The following SLC71A2 variants were observed in gnomAD, a reference collection of about 807,000 sequenced individuals.
SLC71A2 encodes the protein solute carrier family 71 member 2, also known as hippocampus abundant transcript-like 1.
chr9:94,389,145 C>T, the SLC71A2 span, among the ~76,000 whole-genome samples: 1 of 151,800 alleles, frequency 6.6e-6, no homozygotes, highest in South Asian at 2.1e-4. Context: ...TAGTTAGCAG[C>T]AGAGCCAGGA....
At chr9:94,419,369 C>T in the SLC71A2 span, among the ~76,000 whole-genome samples, 9,380 of 150,688 alleles carry the variant, frequency 0.062, 438 homozygotes, top group African/African-American at 0.13. Flanking sequence ...TCTTGGCTCA[C>T]TGCAACTTCC....
chr9:94,428,519 A>G, the SLC71A2 span, among the ~76,000 whole-genome samples: 1 of 150,486 alleles, frequency 6.6e-6, no homozygotes, highest in Non-Finnish European at 1.5e-5. Flanking sequence ...TTAAAGAGTC[A>G]TTTAAGGTTC....
the SLC71A2 span, among the ~76,000 whole-genome samples, chr9:94,407,624 G>A: frequency 2.7e-4 from 41 of 152,124 alleles, no homozygotes; most frequent in African/African-American, 8.0e-4. Context: ...TGATCCACCC[G>A]CCTCGGCCTC....
chr9:94,443,851 C>T, the SLC71A2 span, among the ~76,000 whole-genome samples: 1,600 of 152,218 alleles, frequency 0.011, 28 homozygotes, highest in African/African-American at 0.037. Flanking sequence ...GTGGGAAAAC[C>T]TGAGGGCAAG....
At chr9:94,398,899 C>T in the SLC71A2 span, among the ~76,000 whole-genome samples, 35,857 of 128,720 alleles carry the variant, frequency 0.28, 6,398 homozygotes, top group East Asian at 0.56. Context: ...CTGCAACCTC[C>T]GCCTCCTGCG....
At chr9:94,386,158 A>G in the SLC71A2 span, among the ~76,000 whole-genome samples, 3 of 152,174 alleles carry the variant, frequency 2.0e-5, no homozygotes, top group Non-Finnish European at 4.4e-5. Context: ...TTTTCAGTGT[A>G]TAAGTCTTTC....
At chr9:94,406,066 A>ATGTTTTTT in the SLC71A2 span, among the ~76,000 whole-genome samples, 1 of 63,598 alleles carries the variant, frequency 1.6e-5, no homozygotes, top group African/African-American at 7.5e-5. Context: ...TGCAACTTGA[A>ATGTTTTTT]TTTTTTTTTT....
the SLC71A2 span, among the ~76,000 whole-genome samples, chr9:94,391,857 C>A: frequency 6.6e-6 from 1 of 151,966 alleles, no homozygotes; most frequent in Non-Finnish European, 1.5e-5. Context: ...CCAGCCTGGG[C>A]AACAGAGCGA....
At chr9:94,428,600 C>CCT in the SLC71A2 span, among the ~76,000 whole-genome samples, 11 of 98,436 alleles carry the variant, frequency 1.1e-4, no homozygotes, top group South Asian at 6.8e-4. Flanking sequence ...ACCCCCCCCC[C>CCT]TTTTTTTTTT....
At chr9:94,382,802 G>A in the SLC71A2 span, among the ~76,000 whole-genome samples, 3 of 151,854 alleles carry the variant, frequency 2.0e-5, no homozygotes, top group Non-Finnish European at 2.9e-5. Flanking sequence ...TCAGCCTCCC[G>A]AGTAGCTGGG....
At chr9:94,451,161 T>C in the SLC71A2 span, among the ~76,000 whole-genome samples, 1 of 152,220 alleles carries the variant, frequency 6.6e-6, no homozygotes, top group African/African-American at 2.4e-5. Flanking sequence ...TATTACTTGA[T>C]ACCATATTTA....
At chr9:94,446,949 T>C in the SLC71A2 span, 1 of 1,262,942 alleles carries the variant, frequency 7.9e-7, no homozygotes, top group Non-Finnish European at 1.2e-6. Context: ...GAGTAGTGAG[T>C]GGCTAGTAGC....
the SLC71A2 span, among the ~76,000 whole-genome samples, chr9:94,401,444 T>C: frequency 6.6e-6 from 1 of 152,146 alleles, no homozygotes; most frequent in Admixed American, 6.5e-5. Flanking sequence ...AGTCCTGGGA[T>C]TACAGGCGTG....
At chr9:94,408,859 T>C in the SLC71A2 span, among the ~76,000 whole-genome samples, 1 of 146,866 alleles carries the variant, frequency 6.8e-6, no homozygotes, top group Admixed American at 6.8e-5. Context: ...AGTCTCGCTC[T>C]GTCACCCAGG....
At chr9:94,402,927 C>G in the SLC71A2 span, among the ~76,000 whole-genome samples, 1 of 152,094 alleles carries the variant, frequency 6.6e-6, no homozygotes, top group African/African-American at 2.4e-5. Context: ...AGTTCAATAG[C>G]ATTAAGTACA....
At chr9:94,385,810 G>T in the SLC71A2 span, among the ~76,000 whole-genome samples, 9 of 151,956 alleles carry the variant, frequency 5.9e-5, no homozygotes, top group Non-Finnish European at 1.3e-4. Flanking sequence ...TTTCAAGACT[G>T]TTTTGGCTGT....
chr9:94,415,147 T>G, the SLC71A2 span: 1 of 1,595,678 alleles, frequency 6.3e-7, no homozygotes, highest in Admixed American at 1.7e-5. Flanking sequence ...CATAATAACT[T>G]TCTTTTTTAG....
chr9:94,455,239 CTTACTA>C, the SLC71A2 span, among the ~76,000 whole-genome samples: 1 of 129,922 alleles, frequency 7.7e-6, no homozygotes, highest in Non-Finnish European at 1.5e-5. Context: ...ACAATCATGG[CTTACTA>C]TTACAGCCTT....
chr9:94,435,976 T>G, the SLC71A2 span, among the ~76,000 whole-genome samples: 1 of 142,522 alleles, frequency 7.0e-6, no homozygotes, highest in Non-Finnish European at 1.5e-5. Flanking sequence ...AAAGGCTTTC[T>G]TTACTTGCTT....
Sources: gnomAD v4.1 joint callset for allele counts (sites outside exome capture counted in the v4.1 genomes callset) on GRCh38, gnomAD v4.1.1 for gene constraint, MANE v1.5 for transcripts, NCBI Gene and HGNC (gene_info 2026-07-23, HGNC 2026-07-21) for gene names.